Variants in ITPR1 observed in about 807,000 individuals in gnomAD.
ITPR1 encodes inositol 1,4,5-trisphosphate-gated calcium channel ITPR1.
In ITPR1, 96 loss-of-function variants were observed where a neutral mutation model predicts 318.4. That is an observed-to-expected ratio of 0.30 (90% CI 0.26 to 0.36). The LOEUF (loss-of-function observed/expected upper bound fraction) is 0.36. Ranked by LOEUF, ITPR1 falls within the 10% of genes least tolerant of loss-of-function variation. The pLI is 1.00. For missense variants in ITPR1, 2,440 were observed against 3,460.2 expected (o/e 0.71, Z 7.40); for synonymous variants, 1,312 against 1,289.9 (o/e 1.02, Z -0.37).
chr3:4,493,981 C>G lies in ITPR1; in HGVS notation c.-93+376C>G, dbSNP rs373127391. Among the ~76,000 whole-genome samples, 67 of 149,710 alleles carry G rather than the reference C, an allele frequency of 4.5e-4. 1 individual carries two copies. The South Asian group carries it at 0.014, about 30-fold the overall frequency. Reference sequence around the variant, plus strand: ...TTTCTAAAAATGTATCCCTCTCTTGCGCTCCGTGGTTGGGAGAATAATGCA... The same window carrying G: ...TTTCTAAAAATGTATCCCTCTCTTGGGCTCCGTGGTTGGGAGAATAATGCA... On this transcript the variant is annotated intron_variant, in intron 1 of 61. Coordinates refer to ENST00000649015, the MANE Select transcript of ITPR1 (RefSeq NM_001378452.1).
intron 61 of ITPR1, among the ~76,000 whole-genome samples, chr3:4,839,654 A>T (rs2051192698): frequency 6.6e-6 from 1 of 152,232 alleles, no homozygotes; most frequent in Non-Finnish European, 1.5e-5. Flanking sequence ...TATACAAGTG[A>T]GCATAGTAGA....
At chr3:4,746,364 C>T (rs907071634) in intron 44 of ITPR1, among the ~76,000 whole-genome samples, 14 of 152,192 alleles carry the variant, frequency 9.2e-5, no homozygotes, top group Non-Finnish European at 1.6e-4. Flanking sequence ...TGGGTTTCTC[C>T]ACTCACTCCC....
At chr3:4,727,104 G>A in intron 41 of ITPR1, 22 bp from the exon 42 acceptor site, 1 of 1,595,020 alleles carries the variant, frequency 6.3e-7, no homozygotes, top group Non-Finnish European at 8.5e-7. Flanking sequence ...GTATTAAAAT[G>A]GAATTTCTGC....
At chr3:4,583,053 G>T (rs1005324946) in intron 4 of ITPR1, among the ~76,000 whole-genome samples, 10 of 152,038 alleles carry the variant, frequency 6.6e-5, no homozygotes, top group African/African-American at 2.4e-4. Flanking sequence ...TTCTCAGCAT[G>T]TACAAACTCT....
chr3:4,694,548 C>T (rs986493110), intron 33 of ITPR1, among the ~76,000 whole-genome samples: 7 of 152,106 alleles, frequency 4.6e-5, no homozygotes, highest in African/African-American at 1.7e-4. Flanking sequence ...GTGCAAACAT[C>T]ATACAGCGCA....
In ITPR1 at chr3:4,562,571, T is replaced by G. The variant is rs142082964; in HGVS notation, c.163+41477T>G. 9.7e-4 allele frequency among the ~76,000 whole-genome samples: 147 copies of G among 152,322 alleles called. 4 individuals are homozygous for G. Among genetic ancestry groups the G allele is most frequent in the African/African-American group, 3.3e-3 (136 of 41,560 alleles). On this transcript the variant is annotated intron_variant, in intron 4 of 61. Transcript: ENST00000649015. The stretch of plus-strand genomic sequence containing the variant: ...GTTTATAGTAGGGATCATTTAAATA[T>G]GCATTACCAATATCTCAGGTTTTAG...
chr3:4,688,472 T>C (rs750308224), intron 30 of ITPR1, 23 bp from the exon 31 acceptor site: 10 of 1,612,528 alleles, frequency 6.2e-6, no homozygotes, highest in Non-Finnish European at 8.5e-6. Context: ...AATCAGTGCT[T>C]TCATCTGTCT....
Position 4,642,244 on chromosome 3 carries a change from G to C in ITPR1, c.518G>C (p.Gly173Ala). The C allele has an allele frequency of 1.3e-6, 2 of 1,569,076 alleles. No individual in the cohort carries two copies. The highest frequency in any genetic ancestry group is 1.7e-6 in the Non-Finnish European group (2 of 1,159,962). ...CCATTCTACAAGCTGCGATCCATTG[G>C]AGACAGCGTAAGTGCGGATTCTCCA... ...IQPFYKLRSI[G>A]DSVVIGDKVV... Residue 173 changes from glycine (G) to alanine (A), a missense_variant, in exon 7 of 62, where the codon GGA (glycine) becomes GCA (alanine). Physicochemically the swap from Gly to Ala is moderately conservative, Grantham distance 60 (BLOSUM62 0). Transcript: ENST00000649015.
At chr3:4,612,564 C>T (rs917586463) in intron 4 of ITPR1, among the ~76,000 whole-genome samples, 27 of 152,088 alleles carry the variant, frequency 1.8e-4, no homozygotes, top group African/African-American at 6.5e-4. Context: ...CAGACATCAT[C>T]TCATTTCATT....
chr3:4,691,588 G>A (rs1384903822), intron 32 of ITPR1, among the ~76,000 whole-genome samples: 1 of 152,244 alleles, frequency 6.6e-6, no homozygotes, highest in Non-Finnish European at 1.5e-5. Context: ...TTTCTGACAG[G>A]GGACAGAAAG....
intron 47 of ITPR1, 124 bp downstream of exon 47, chr3:4,775,566 C>A: frequency 1.4e-6 from 1 of 692,786 alleles, no homozygotes; most frequent in East Asian, 2.6e-5. Flanking sequence ...GGACAGGAGG[C>A]TGTCTTCCAG....
intron 48 of ITPR1, among the ~76,000 whole-genome samples, chr3:4,777,842 AC>A (rs2046576270): frequency 6.6e-6 from 1 of 152,072 alleles, no homozygotes. Flanking sequence ...TCAAGGAAAT[AC>A]CTTTTTCTCT....
intron 46 of ITPR1, among the ~76,000 whole-genome samples, 182 bp from the exon 47 acceptor site, chr3:4,775,060 C>T (rs545362080): frequency 1.3e-5 from 2 of 152,348 alleles, no homozygotes; most frequent in East Asian, 1.9e-4. Flanking sequence ...CATTGCCATA[C>T]ACCAAGTCCA....
rs907012986 is a variant in ITPR1 at position 4,493,506 on chromosome 3, G to C, written c.-192G>C. On this transcript the variant is annotated 5_prime_UTR_variant, in exon 1 of 62. Coordinates refer to ENST00000649015, the MANE Select transcript of ITPR1 (RefSeq NM_001378452.1). ...GTGGGTGTTCCGCTTCCATCCTAAC[G>C]GAACGAGCTCCCTCTTCGCGGACAT... 6.5e-6 allele frequency: 1 copy of C among 153,678 alleles called. No homozygotes were observed. Among genetic ancestry groups the C allele is most frequent in the Non-Finnish European group, 1.5e-5 (1 of 68,256 alleles). 9.5% of individuals were successfully genotyped at this position (153,678 alleles called of 1,614,324 possible).
chr3:4,751,643 C>A (rs1291058798), intron 44 of ITPR1: 5 of 152,244 alleles, frequency 3.3e-5, no homozygotes, highest in African/African-American at 9.6e-5. Flanking sequence ...AAGCTGACTT[C>A]CCTTTATTAA....
intron 5 of ITPR1, among the ~76,000 whole-genome samples, chr3:4,635,431 C>G (rs1219192453): frequency 6.6e-6 from 1 of 152,142 alleles, no homozygotes; most frequent in Non-Finnish European, 1.5e-5. Flanking sequence ...AGCTCCACCT[C>G]CCGGGTCCAC....
chr3:4,639,641 G>T (rs2093290105), intron 6 of ITPR1, among the ~76,000 whole-genome samples, 171 bp downstream of exon 6: 1 of 152,160 alleles, frequency 6.6e-6, no homozygotes, highest in Non-Finnish European at 1.5e-5. Flanking sequence ...GACTCTTTGG[G>T]CTATTCTGCT....
chr3:4,722,055 A>G lies in ITPR1; in HGVS notation c.5137-3491A>G, dbSNP rs574118556. ...ATATGCATATATTCAGTTACTACCC[A>G]AGGTACCATAATGAGGGCCTGATTC... On this transcript the variant is annotated intron_variant, in intron 40 of 61. Coordinates refer to ENST00000649015, the MANE Select transcript of ITPR1 (RefSeq NM_001378452.1). Among the ~76,000 whole-genome samples, 295 of 152,332 alleles carry G rather than the reference A, an allele frequency of 1.9e-3. 1 individual carries two copies. The highest frequency in any genetic ancestry group is 6.9e-3 in the African/African-American group (286 of 41,560).
intron 19 of ITPR1, 32 bp from the exon 20 acceptor site, chr3:4,670,697 A>G: frequency 7.0e-7 from 1 of 1,430,416 alleles, no homozygotes; most frequent in Non-Finnish European, 9.7e-7. Context: ...TTTTAAAAAT[A>G]GTAACTTTTC....
Sources: allele counts gnomAD v4.1 joint callset (sites outside exome capture counted in the v4.1 genomes callset), GRCh38; gene constraint gnomAD v4.1.1; transcripts MANE v1.5; gene names NCBI Gene and HGNC (gene_info 2026-07-23, HGNC 2026-07-21).